The following SEPTIN9 variants were observed in gnomAD, a reference collection of about 807,000 sequenced individuals.
The protein encoded by SEPTIN9 is septin-9.
Under a neutral mutation model 56.6 loss-of-function variants are expected in SEPTIN9, and 13 were observed. The observed-to-expected ratio is 0.23, with a 90% confidence interval of 0.15 to 0.37. The LOEUF is 0.37. SEPTIN9 is among the 10% of genes least tolerant of loss of function. The pLI is 1.00. For missense variants in SEPTIN9, 650 were observed against 823.1 expected (o/e 0.79, Z 2.57); for synonymous variants, 332 against 334.1 (o/e 0.99, Z 0.07).
At chr17:77,424,169 A>G (rs2036813280) in intron 3 of SEPTIN9, among the ~76,000 whole-genome samples, 1 of 151,526 alleles carries the variant, frequency 6.6e-6, no homozygotes, top group Admixed American at 6.6e-5. Flanking sequence ...CATGGGATGT[A>G]TCTGCACTAT....
chr17:77,454,423 G>A (rs1253163042), intron 3 of SEPTIN9: 3 of 969,920 alleles, frequency 3.1e-6, no homozygotes, highest in Admixed American at 6.1e-5. Flanking sequence ...GAGGGCTCCC[G>A]AGGGTGGCGG....
chr17:77,316,105 C>G (rs1318567218), intron 2 of SEPTIN9, among the ~76,000 whole-genome samples: 4 of 152,230 alleles, frequency 2.6e-5, no homozygotes, highest in African/African-American at 9.6e-5. Context: ...AAATGTGCCT[C>G]TGAATCTAAG....
chr17:77,411,343 C>A (rs1388150212), intron 3 of SEPTIN9, among the ~76,000 whole-genome samples: 1 of 151,908 alleles, frequency 6.6e-6, no homozygotes, highest in Admixed American at 6.6e-5. Context: ...TTTATTTTTT[C>A]CATTTAACAA....
chr17:77,327,429 G>A lies in SEPTIN9; in HGVS notation c.76+20232G>A, dbSNP rs1386383783. Among the ~76,000 whole-genome samples, 1 of 152,182 alleles carries A rather than the reference G, an allele frequency of 6.6e-6. No homozygotes were observed. Among genetic ancestry groups the A allele is most frequent in the Non-Finnish European group, 1.5e-5 (1 of 68,034 alleles). ...CGGTGCTCCCCAGGGTCTCCCACTG[G>A]CAAGGGCATTGGCATAGATTCTGGG... On this transcript the variant is annotated intron_variant, in intron 2 of 11. Coordinates refer to ENST00000427177, the MANE Select transcript of SEPTIN9 (RefSeq NM_001113491.2). This position sits in a 1 kb window ranked among gnomAD's most constrained non-coding sequence, Gnocchi z 5.0.
intron 2 of SEPTIN9, chr17:77,373,580 G>T: frequency 1.3e-6 from 2 of 1,541,252 alleles, no homozygotes; most frequent in Non-Finnish European, 8.8e-7. Context: ...TGCTGCGGCC[G>T]CGGACGTGCT....
At chr17:77,497,509 C>G in intron 11 of SEPTIN9, 143 bp downstream of exon 11, 2 of 723,776 alleles carry the variant, frequency 2.8e-6, no homozygotes, top group Non-Finnish European at 4.9e-6. Context: ...TCGGGAAGAT[C>G]TTGGAAGCCC....
At chr17:77,338,964 C>A (rs1283981264) in intron 2 of SEPTIN9, among the ~76,000 whole-genome samples, 1 of 152,056 alleles carries the variant, frequency 6.6e-6, no homozygotes, top group Non-Finnish European at 1.5e-5. Context: ...CTCCAGGAAC[C>A]ACTTTGTCTG....
intron 1 of SEPTIN9, 110 bp from the exon 2 acceptor site, chr17:77,307,031 T>C: frequency 9.4e-7 from 1 of 1,060,468 alleles, no homozygotes; most frequent in Admixed American, 1.7e-5. Flanking sequence ...TTTCTGGCTC[T>C]GGAACTCACA....
intron 2 of SEPTIN9, among the ~76,000 whole-genome samples, chr17:77,342,911 G>A (rs1460670794): frequency 2.0e-5 from 3 of 152,122 alleles, no homozygotes; most frequent in East Asian, 1.9e-4. Context: ...GAAGGCAGAC[G>A]TTGTGGTGAG....
chr17:77,307,785 C>A (rs1417586391), intron 2 of SEPTIN9, among the ~76,000 whole-genome samples: 1 of 152,200 alleles, frequency 6.6e-6, no homozygotes, highest in East Asian at 1.9e-4. Flanking sequence ...GCTGGCCGTC[C>A]AGGACACGAG....
intron 3 of SEPTIN9, among the ~76,000 whole-genome samples, chr17:77,473,221 C>CT (rs2039076526): frequency 6.6e-6 from 1 of 152,200 alleles, no homozygotes; most frequent in East Asian, 1.9e-4. Flanking sequence ...TCAGACTCAT[C>CT]TTCCACCTTG....
At chr17:77,325,333 T>A (rs570457947) in intron 2 of SEPTIN9, among the ~76,000 whole-genome samples, 1 of 152,362 alleles carries the variant, frequency 6.6e-6, no homozygotes, top group African/African-American at 2.4e-5. Context: ...GTGTAAGGGC[T>A]GGTCCAGCCT....
chr17:77,415,482 C>A (rs1173960556), intron 3 of SEPTIN9, among the ~76,000 whole-genome samples: 1 of 152,004 alleles, frequency 6.6e-6, no homozygotes, highest in Non-Finnish European at 1.5e-5. Flanking sequence ...TGGCGTGTAC[C>A]TGTAGTCCCA....
At chr17:77,299,047 C>G (rs910720477) in intron 1 of SEPTIN9, among the ~76,000 whole-genome samples, 1 of 152,226 alleles carries the variant, frequency 6.6e-6, no homozygotes, top group African/African-American at 2.4e-5. Flanking sequence ...AGCAGGCTCC[C>G]AGCCATTGGC....
chr17:77,478,053 G>A (rs998177600), intron 3 of SEPTIN9, among the ~76,000 whole-genome samples: 1 of 151,938 alleles, frequency 6.6e-6, no homozygotes, highest in Non-Finnish European at 1.5e-5. Flanking sequence ...ATACAAGCAG[G>A]AGTGTGAAAT....
At chr17:77,463,692 A>T (rs2038583092) in intron 3 of SEPTIN9, among the ~76,000 whole-genome samples, 1 of 151,930 alleles carries the variant, frequency 6.6e-6, no homozygotes, top group African/African-American at 2.4e-5. Context: ...AAAATACAAA[A>T]ATTAGCCAGG....
Position 77,436,020 on chromosome 17 carries a change from C to T in SEPTIN9, c.721+33317C>T, listed in dbSNP as rs1195624023. Among the ~76,000 whole-genome samples, 2 of 152,220 alleles carry T rather than the reference C, an allele frequency of 1.3e-5. No homozygotes were observed. The highest frequency in any genetic ancestry group is 4.1e-4 in the South Asian group (2 of 4,830). ...AACTGAGCGCGTGTTCTCTTGGCCT[C>T]AGCCTCGTGTGTGTGTTTATGCATG... On this transcript the variant is annotated intron_variant, in intron 3 of 11. Transcript: ENST00000427177. The surrounding 1 kb of genome is among the most constrained non-coding windows in gnomAD (Gnocchi z 4.4).
rs1598177592 is a variant in SEPTIN9, at chr17:77,313,023, T to G, written c.76+5826T>G. 6.6e-6 allele frequency among the ~76,000 whole-genome samples: 1 copy of G among 152,084 alleles called. No homozygotes were observed. The highest frequency in any genetic ancestry group is 1.5e-5 in the Non-Finnish European group (1 of 68,018). On this transcript the variant is annotated intron_variant, in intron 2 of 11. Coordinates refer to ENST00000427177, the MANE Select transcript of SEPTIN9 (RefSeq NM_001113491.2). This position sits in a 1 kb window ranked among gnomAD's most constrained non-coding sequence, Gnocchi z 4.5. ...TGGTTTAGATCATCTTCACGTTGGA[T>G]CCACAAATTCATTGTTTATCCAGTG...
chr17:77,455,702 A>G (rs772260006), intron 3 of SEPTIN9, among the ~76,000 whole-genome samples: 2 of 152,346 alleles, frequency 1.3e-5, no homozygotes, highest in African/African-American at 2.4e-5. Flanking sequence ...TAGAACGGAC[A>G]TGAGGATTGT....
Sources: allele counts gnomAD v4.1 joint callset (sites outside exome capture counted in the v4.1 genomes callset), GRCh38; gene constraint gnomAD v4.1.1; non-coding constraint Gnocchi (gnomAD v3.1); transcripts MANE v1.5; gene names NCBI Gene and HGNC (gene_info 2026-07-23, HGNC 2026-07-21).